EBF1: variants seen among roughly 807,000 people sequenced by gnomAD.
EBF1 encodes EBF transcription factor 1.
Under a neutral mutation model 68.4 loss-of-function variants are expected in EBF1, and 10 were observed. That is an observed-to-expected ratio of 0.15 (90% CI 0.09 to 0.25). EBF1 has a LOEUF of 0.25. Among genes scored for constraint, EBF1 ranks in the 10% least tolerant of loss-of-function variants. The pLI is 1.00. For missense variants in EBF1, 509 were observed against 794.4 expected (o/e 0.64, Z 4.32); for synonymous variants, 298 against 299.8 (o/e 0.99, Z 0.06).
At chr5:159,095,552 ACTAGCTTCTTGACTGCC>A in intron 4 of EBF1, 51 bp downstream of exon 4, 1 of 1,586,410 alleles carries the variant, frequency 6.3e-7, no homozygotes, top group Middle Eastern at 2.1e-4. Flanking sequence ...CGGTGGAGCA[ACTAGCTTCTTGACTGCC>A]CTGAATTTTG....
chr5:158,952,676 G>A (rs952456600), intron 6 of EBF1, among the ~76,000 whole-genome samples: 5 of 152,156 alleles, frequency 3.3e-5, no homozygotes, highest in African/African-American at 1.2e-4. Flanking sequence ...ATTATTTGAA[G>A]GGAACAGCAA....
chr5:158,974,308 A>G (rs1756269675), intron 6 of EBF1, among the ~76,000 whole-genome samples: 1 of 152,218 alleles, frequency 6.6e-6, no homozygotes, highest in Non-Finnish European at 1.5e-5. Flanking sequence ...AACCTTTGGT[A>G]ACCTATGTTC....
At chr5:158,790,100 T>C (rs1000899568) in intron 9 of EBF1, among the ~76,000 whole-genome samples, 1 of 152,198 alleles carries the variant, frequency 6.6e-6, no homozygotes, top group African/African-American at 2.4e-5. Context: ...GAAGAAAGCA[T>C]GCATCTGGAT....
intron 6 of EBF1, among the ~76,000 whole-genome samples, chr5:159,020,775 G>A (rs1197937742): frequency 9.9e-5 from 15 of 152,156 alleles, no homozygotes; most frequent in Admixed American, 9.8e-4. Context: ...AAAGTGCCTA[G>A]TACAGTGGAA....
chr5:158,914,321 T>C (rs1806659080), intron 6 of EBF1, among the ~76,000 whole-genome samples: 1 of 152,126 alleles, frequency 6.6e-6, no homozygotes, highest in African/African-American at 2.4e-5. Context: ...AAACAGCCTA[T>C]ATGGGTGTGA....
intron 6 of EBF1, among the ~76,000 whole-genome samples, chr5:158,971,834 C>T (rs757597441): frequency 5.3e-5 from 8 of 152,074 alleles, no homozygotes; most frequent in Non-Finnish European, 1.0e-4. Context: ...GGAAAAGTGC[C>T]GAGGACCTAA....
chr5:158,772,707 C>T (rs1191870155), intron 10 of EBF1, among the ~76,000 whole-genome samples: 1 of 152,056 alleles, frequency 6.6e-6, no homozygotes, highest in Non-Finnish European at 1.5e-5. Context: ...AAAGACATTT[C>T]TTAGATTTCT....
chr5:158,998,827 C>T (rs909192616), intron 6 of EBF1, among the ~76,000 whole-genome samples: 14 of 152,120 alleles, frequency 9.2e-5, no homozygotes, highest in African/African-American at 3.4e-4. Flanking sequence ...TGGTAGCTTA[C>T]CACACTTTGG....
At position 158,697,733 on chromosome 5, in the gene EBF1, A is replaced by G; in HGVS notation, c.*1378T>C. 1 of 208,604 alleles carries G rather than the reference A, an allele frequency of 4.8e-6. No homozygotes were observed. The highest frequency in any genetic ancestry group is 9.8e-6 in the Non-Finnish European group (1 of 102,534). 12.9% of individuals were successfully genotyped at this position (208,604 alleles called of 1,614,324 possible). A position where few individuals can be genotyped will look rare whatever the true frequency, so the allele number is the denominator to read the frequency against. On this transcript the variant is annotated 3_prime_UTR_variant, in exon 16 of 16. Coordinates refer to ENST00000313708, the MANE Select transcript of EBF1 (RefSeq NM_024007.5). ...TAAGACATTAAAATGTATAAATAGA[A>G]CAACAACTTTGGCAAAAAATCACAA...
intron 6 of EBF1, among the ~76,000 whole-genome samples, chr5:159,056,896 AAAG>A: frequency 6.6e-6 from 1 of 152,174 alleles, no homozygotes; most frequent in Non-Finnish European, 1.5e-5. Context: ...ATTCCTACTG[AAAG>A]ATGACTATTG....
At chr5:158,944,730 G>A (rs1272866655) in intron 6 of EBF1, among the ~76,000 whole-genome samples, 1 of 152,184 alleles carries the variant, frequency 6.6e-6, no homozygotes, top group African/African-American at 2.4e-5. Flanking sequence ...TCCACCATCT[G>A]TTGTTTCCTG....
chr5:158,737,438 C>T (rs1168098302), intron 10 of EBF1, among the ~76,000 whole-genome samples: 3 of 151,794 alleles, frequency 2.0e-5, no homozygotes, highest in Admixed American at 2.0e-4. Flanking sequence ...CGCCCACCAC[C>T]ACGCCCAGCT....
intron 5 of EBF1, among the ~76,000 whole-genome samples, chr5:159,080,024 C>A (rs973926443): frequency 6.6e-6 from 1 of 152,122 alleles, no homozygotes; most frequent in Non-Finnish European, 1.5e-5. Flanking sequence ...TATAGCCATG[C>A]CTTCTCTTTC....
At chr5:159,082,329 T>C (rs1779887637) in intron 5 of EBF1, among the ~76,000 whole-genome samples, 1 of 152,198 alleles carries the variant, frequency 6.6e-6, no homozygotes, top group Non-Finnish European at 1.5e-5. Context: ...AAATTAAATA[T>C]CTGAAACAAG....
chr5:158,982,561 TA>T (rs1338806521), intron 6 of EBF1, among the ~76,000 whole-genome samples: 6 of 152,206 alleles, frequency 3.9e-5, no homozygotes, highest in African/African-American at 1.4e-4. Flanking sequence ...AGATACTTGA[TA>T]AATATTTGTT....
intron 6 of EBF1, among the ~76,000 whole-genome samples, chr5:158,886,414 T>G (rs1362668182): frequency 2.6e-5 from 4 of 152,258 alleles, no homozygotes; most frequent in Non-Finnish European, 5.9e-5. Flanking sequence ...TGCTCTGCAC[T>G]GGTGTTTTCG....
At chr5:158,914,669 G>A (rs550843317) in intron 6 of EBF1, among the ~76,000 whole-genome samples, 5 of 152,238 alleles carry the variant, frequency 3.3e-5, no homozygotes, top group Middle Eastern at 3.4e-3. Flanking sequence ...GATCAACCAC[G>A]GTTTTGGCTG....
chr5:159,010,092 A>T (rs972858471), intron 6 of EBF1, among the ~76,000 whole-genome samples: 2 of 152,244 alleles, frequency 1.3e-5, no homozygotes, highest in African/African-American at 4.8e-5. Context: ...GTGAGCATGA[A>T]AGTATACAGC....
chr5:158,838,671 C>T (rs1451058451), intron 7 of EBF1, among the ~76,000 whole-genome samples: 2 of 152,130 alleles, frequency 1.3e-5, no homozygotes, highest in African/African-American at 4.8e-5. Context: ...AATCAATGCT[C>T]AAGATCATCT....
Sources: allele counts gnomAD v4.1 joint callset (sites outside exome capture counted in the v4.1 genomes callset), GRCh38; gene constraint gnomAD v4.1.1; transcripts MANE v1.5; gene names NCBI Gene and HGNC (gene_info 2026-07-23, HGNC 2026-07-21).